The following INSR variants were observed in gnomAD, a reference collection of about 807,000 sequenced individuals.
The protein encoded by INSR is insulin receptor.
INSR carries 67 observed loss-of-function variants against 142.6 expected under a neutral mutation model. The observed-to-expected ratio is 0.47, with a 90% CI of 0.39 to 0.58. INSR has a LOEUF of 0.58. Ranked by LOEUF, INSR falls within the 20% of genes least tolerant of loss-of-function variation. The pLI, the probability that INSR is intolerant of heterozygous loss-of-function variation, is 0.00. For missense variants in INSR, 1,248 were observed against 1,833.2 expected, an observed-to-expected ratio of 0.68 and a Z score of 5.83; for synonymous variants, 756 against 743.1, an observed-to-expected ratio of 1.02 and a Z score of -0.28.
chr19:7,156,366 A>G (rs1973592617), intron 9 of INSR, among the ~76,000 whole-genome samples: 2 of 151,956 alleles, frequency 1.3e-5, no homozygotes, highest in Non-Finnish European at 2.9e-5. Flanking sequence ...GGGCCTCCAC[A>G]TGGAATTCTA....
chr19:7,142,389 C>CAAAAAAAAAAAAAAAAAA (rs34453877), intron 12 of INSR, among the ~76,000 whole-genome samples: 1 of 42,142 alleles, frequency 2.4e-5, no homozygotes, highest in African/African-American at 1.0e-4. Flanking sequence ...GACTTCATCT[C>CAAAAAAAAAAAAAAAAAA]AAAAAAAAAA....
intron 1 of INSR, chr19:7,268,488 C>T (rs1967810826): frequency 2.0e-6 from 2 of 985,172 alleles, no homozygotes; most frequent in Middle Eastern, 5.2e-4. Context: ...CTCCTGAAGG[C>T]GGTCCCTCCC....
chr19:7,141,467 GAAACTAAGAA>G (rs2144857792), intron 13 of INSR, 200 bp downstream of exon 13: 1 of 636,370 alleles, frequency 1.6e-6, no homozygotes, highest in East Asian at 2.9e-5. Flanking sequence ...AGCAATGTGA[GAAACTAAGAA>G]AAGTAACAAG....
intron 1 of INSR, among the ~76,000 whole-genome samples, chr19:7,284,830 A>T (rs1288565406): frequency 6.6e-6 from 1 of 152,166 alleles, no homozygotes; most frequent in Non-Finnish European, 1.5e-5. Context: ...AAAAAGGACT[A>T]GTTTTAATCC....
chr19:7,292,615 T>G (rs1968527845), intron 1 of INSR, among the ~76,000 whole-genome samples: 2 of 152,184 alleles, frequency 1.3e-5, no homozygotes, highest in African/African-American at 4.8e-5. Flanking sequence ...CTTCCCTCCC[T>G]GACCCCTTCC....
rs1973126697 is a variant in INSR at position 7,143,726 on chromosome 19, T to C, written c.2268-636A>G. ...ATATTAAACAACAAAGGTTGATAGCTAACAAATTTTAAAATACAAAGAAAA... is the reference window on the plus strand; with the variant it reads ...ATATTAAACAACAAAGGTTGATAGCCAACAAATTTTAAAATACAAAGAAAA... On this transcript the variant is annotated intron_variant, in intron 11 of 21. Transcript: ENST00000302850. 2.0e-5 allele frequency among the ~76,000 whole-genome samples: 3 copies of C among 152,098 alleles called. No homozygotes were observed. The South Asian group carries it at 6.2e-4, about 32-fold the overall frequency.
chr19:7,187,367 C>T (rs1244910694), intron 2 of INSR, among the ~76,000 whole-genome samples: 2 of 152,132 alleles, frequency 1.3e-5, no homozygotes, highest in East Asian at 3.9e-4. Flanking sequence ...CAGGTGTGAG[C>T]CACTGTGCCC....
intron 15 of INSR, 24 bp from the exon 16 acceptor site, chr19:7,126,675 T>A (rs1233944077): frequency 6.4e-7 from 1 of 1,555,900 alleles, no homozygotes; most frequent in Admixed American, 1.9e-5. Flanking sequence ...ACGAGGCACG[T>A]TAGCTTGAGA....
At chr19:7,175,743 G>A (rs1974120935) in intron 3 of INSR, among the ~76,000 whole-genome samples, 1 of 151,976 alleles carries the variant, frequency 6.6e-6, no homozygotes. Context: ...GCTGAGGTAG[G>A]AGAATCGCTT....
rs1974618370 is a variant in INSR at position 7,192,217 on chromosome 19, G to GA, written c.653-7581dup. On this transcript the variant is annotated intron_variant, in intron 2 of 21. Transcript: ENST00000302850. This position sits in a 1 kb window ranked among gnomAD's most constrained non-coding sequence, Gnocchi z 4.2. ...GAAAGAAAAAGAAAGAAAGGAGAAA[G>GA]AAAAGAAAGAGAAAGAAGGAAGGGA... is the stretch of plus-strand genomic sequence containing the variant. Among the ~76,000 whole-genome samples the GA allele has an allele frequency of 8.6e-6, 1 of 116,130 alleles. No individual in the cohort carries two copies. The highest frequency in any genetic ancestry group is 3.2e-5 in the African/African-American group (1 of 31,286). 76.2% of individuals were successfully genotyped at this position (116,130 alleles called of 152,430 possible). A position where few individuals can be genotyped will look rare whatever the true frequency, so the allele number is the denominator to read the frequency against.
At position 7,119,844 on chromosome 19, in the gene INSR, A is replaced by G. The variant is rs886465927; in HGVS notation, c.3660-261T>C. ...TACACACACAAACACACACACCCAA[A>G]CACACACACGCACACACATGCAAAC... On this transcript the variant is annotated intron_variant, in intron 20 of 21. Coordinates refer to ENST00000302850, the MANE Select transcript of INSR (RefSeq NM_000208.4). This position sits in a 1 kb window ranked among gnomAD's most constrained non-coding sequence, Gnocchi z 5.2. 1.3e-5 allele frequency among the ~76,000 whole-genome samples: 1 copy of G among 77,280 alleles called. No homozygotes were observed. Among genetic ancestry groups the G allele is most frequent in the South Asian group, 3.7e-4 (1 of 2,738 alleles). 50.7% of individuals were successfully genotyped at this position (77,280 alleles called of 152,430 possible). A position where few individuals can be genotyped will look rare whatever the true frequency, so the allele number is the denominator to read the frequency against.
chr19:7,293,867 C>CCCCCCGCCGG lies in INSR; in HGVS notation c.15_24dup (p.Ala9ProfsTer41). 4 of 1,240,704 alleles carry CCCCCCGCCGG rather than the reference C, an allele frequency of 3.2e-6. No homozygotes were observed. Among genetic ancestry groups the CCCCCCGCCGG allele is most frequent in the Non-Finnish European group, 4.0e-6 (4 of 998,422 alleles). 76.9% of individuals were successfully genotyped at this position (1,240,704 alleles called of 1,614,324 possible). A position where few individuals can be genotyped will look rare whatever the true frequency, so the allele number is the denominator to read the frequency against. ...GCCACCAGCAGCGGCGCGGCCGCCG[C>CCCCCCGCCGG]CCCCCGCCGGCCCCCGGTGGCCATG... On this transcript the variant is annotated frameshift_variant, in exon 1 of 22. Coordinates refer to ENST00000302850, the MANE Select transcript of INSR (RefSeq NM_000208.4). LOFTEE classifies it high-confidence loss of function.
In INSR at chr19:7,279,613, C is replaced by T. The variant is rs183092381; in HGVS notation, c.101-11717G>A. Among the ~76,000 whole-genome samples the T allele has an allele frequency of 4.0e-4, 61 of 151,552 alleles. 1 individual carries two copies. The highest frequency in any genetic ancestry group is 1.5e-3 in the African/African-American group (60 of 41,328). ...CGTGGGCATTGGGAAGATGGGGGAA[C>T]AGGTACGGATGCTGGTGGACGCAGT... On this transcript the variant is annotated intron_variant, in intron 1 of 21. Coordinates refer to ENST00000302850, the MANE Select transcript of INSR (RefSeq NM_000208.4).
intron 2 of INSR, among the ~76,000 whole-genome samples, chr19:7,244,089 A>G (rs1162935393): frequency 6.6e-6 from 1 of 152,218 alleles, no homozygotes; most frequent in Non-Finnish European, 1.5e-5. Flanking sequence ...AAAACCTACC[A>G]ATCAATTTCA....
chr19:7,157,774 G>A (rs8101697), intron 9 of INSR, among the ~76,000 whole-genome samples: 6,298 of 151,690 alleles, frequency 0.042, 424 homozygotes, highest in African/African-American at 0.14. Flanking sequence ...GCTGAGCAAA[G>A]GAAATTCCAT....
At chr19:7,291,266 A>T (rs2145258619) in intron 1 of INSR, among the ~76,000 whole-genome samples, 2 of 152,310 alleles carry the variant, frequency 1.3e-5, no homozygotes, top group East Asian at 3.9e-4. Flanking sequence ...CTCTGCAGCC[A>T]CACTAGCTAG....
At chr19:7,160,943 C>A (rs1973732295) in intron 9 of INSR, among the ~76,000 whole-genome samples, 1 of 147,922 alleles carries the variant, frequency 6.8e-6, no homozygotes, top group African/African-American at 2.5e-5. Flanking sequence ...TTGCAGTGAG[C>A]CAAGATCAAG....
At chr19:7,149,821 C>CA (rs796282763) in intron 11 of INSR, among the ~76,000 whole-genome samples, 27 of 124,786 alleles carry the variant, frequency 2.2e-4, no homozygotes, top group African/African-American at 4.4e-4. Flanking sequence ...AAATTCCATC[C>CA]AAAAAAAAAA....
rs1400983421 is a variant in INSR at position 7,150,646 on chromosome 19, C to T, written c.2232-114G>A. ...CGAGTAAGGGCACCCTGGCTTTGACCCTGGACCACTCGCTCCCATCACTTG... is the reference window on the plus strand; with the variant it reads ...CGAGTAAGGGCACCCTGGCTTTGACTCTGGACCACTCGCTCCCATCACTTG... On this transcript the variant is annotated intron_variant, in intron 10 of 21. Coordinates refer to ENST00000302850, the MANE Select transcript of INSR (RefSeq NM_000208.4). The surrounding 1 kb of genome is among the most constrained non-coding windows in gnomAD (Gnocchi z 4.2). The T allele has an allele frequency of 1.1e-6, 1 of 933,070 alleles. No individual in the cohort carries two copies. The highest frequency in any genetic ancestry group is 1.7e-6 in the Non-Finnish European group (1 of 575,274). 57.8% of individuals were successfully genotyped at this position (933,070 alleles called of 1,614,324 possible).
Sources: gnomAD v4.1 joint callset for allele counts (sites outside exome capture counted in the v4.1 genomes callset) on GRCh38, gnomAD v4.1.1 for gene constraint, Gnocchi (gnomAD v3.1) non-coding constraint, MANE v1.5 for transcripts, NCBI Gene and HGNC (gene_info 2026-07-23, HGNC 2026-07-21) for gene names.